SCTR: variants seen among roughly 807,000 people sequenced by gnomAD.
SCTR encodes pancreatic secretin receptor.
SCTR carries 56 observed loss-of-function variants against 60.8 expected under a neutral mutation model. The observed-to-expected ratio is 0.92, with a 90% confidence interval of 0.74 to 1.15. The LOEUF (loss-of-function observed/expected upper bound fraction) is 1.15, where lower values mean the gene tolerates loss of function less well. Ranked by LOEUF, SCTR falls within the 50% of genes most tolerant of loss-of-function variation. The pLI, the probability that SCTR is intolerant of heterozygous loss-of-function variation, is 0.00. For missense variants in SCTR, 562 were observed against 550.4 expected (o/e 1.02, Z -0.21); for synonymous variants, 202 against 217.0 (o/e 0.93, Z 0.61).
intron 6 of SCTR, among the ~76,000 whole-genome samples, chr2:119,462,544 G>A (rs975667800): frequency 6.6e-6 from 1 of 152,268 alleles, no homozygotes; most frequent in East Asian, 1.9e-4. Flanking sequence ...ATGTCATGGA[G>A]TTGGACTTCC....
intron 1 of SCTR, among the ~76,000 whole-genome samples, chr2:119,498,083 A>G (rs988423717): frequency 5.3e-5 from 8 of 152,188 alleles, no homozygotes; most frequent in Non-Finnish European, 1.2e-4. Flanking sequence ...ACCAAGGCAC[A>G]TTATTTTTGA....
At chr2:119,488,183 A>G (rs1677961229) in intron 2 of SCTR, among the ~76,000 whole-genome samples, 2 of 152,174 alleles carry the variant, frequency 1.3e-5, no homozygotes, top group South Asian at 4.1e-4. Context: ...CTAAATGCAC[A>G]CTGCAGAAGG....
chr2:119,503,446 G>A (rs1001512637), intron 1 of SCTR, among the ~76,000 whole-genome samples: 1 of 152,004 alleles, frequency 6.6e-6, no homozygotes, highest in South Asian at 2.1e-4. Flanking sequence ...GGCGTGCATA[G>A]GATTGCTTGA....
At chr2:119,467,641 A>G (rs1467435010) in intron 4 of SCTR, among the ~76,000 whole-genome samples, 3 of 152,204 alleles carry the variant, frequency 2.0e-5, no homozygotes, top group Admixed American at 6.5e-5. Context: ...CTAAGAAATA[A>G]TCAGAAATTT....
intron 1 of SCTR, 139 bp downstream of exon 1, chr2:119,524,016 A>G (rs1679372656): frequency 1.5e-6 from 1 of 667,966 alleles, no homozygotes; most frequent in Non-Finnish European, 2.7e-6. Flanking sequence ...TAATGTTGGG[A>G]GGATTGGGAG....
In SCTR at chr2:119,523,959, T is replaced by C. The variant is rs192193635; in HGVS notation, c.72+196A>G. 2.2e-3 allele frequency among the ~76,000 whole-genome samples: 339 copies of C among 152,198 alleles called. 2 individuals are homozygous for C. Among genetic ancestry groups the C allele is most frequent in the African/African-American group, 7.6e-3 (316 of 41,540 alleles). Reference sequence around the variant, plus strand: ...AGCCGCCTTCGTCTGGCGCGCACGATGTTTTTCTTTGGGAAAGGGTCCCTC... The same window carrying C: ...AGCCGCCTTCGTCTGGCGCGCACGACGTTTTTCTTTGGGAAAGGGTCCCTC... On this transcript the variant is annotated intron_variant, in intron 1 of 12. Transcript: ENST00000019103.
At chr2:119,449,252 C>G (rs922792170) in intron 9 of SCTR, among the ~76,000 whole-genome samples, 3 of 152,256 alleles carry the variant, frequency 2.0e-5, no homozygotes, top group Admixed American at 6.5e-5. Context: ...GCGTGGGGCC[C>G]AAGAATTATT....
At chr2:119,508,866 A>G (rs971935810) in intron 1 of SCTR, among the ~76,000 whole-genome samples, 2 of 152,242 alleles carry the variant, frequency 1.3e-5, no homozygotes, top group African/African-American at 4.8e-5. Context: ...ATTTTCAAAA[A>G]CACAATACAT....
chr2:119,445,785 T>C (rs1682903531), intron 11 of SCTR, among the ~76,000 whole-genome samples: 1 of 152,244 alleles, frequency 6.6e-6, no homozygotes, highest in Admixed American at 6.5e-5. Flanking sequence ...AATTGTTTTG[T>C]CTTTGCTTTG....
intron 2 of SCTR, 162 bp from the exon 3 acceptor site, chr2:119,479,080 T>C: frequency 1.4e-6 from 2 of 1,453,626 alleles, no homozygotes; most frequent in East Asian, 2.5e-5. Context: ...ACCTATCCTG[T>C]CTAATGCACC....
At chr2:119,513,926 G>C (rs1295526531) in intron 1 of SCTR, among the ~76,000 whole-genome samples, 1 of 152,108 alleles carries the variant, frequency 6.6e-6, no homozygotes, top group Non-Finnish European at 1.5e-5. Flanking sequence ...ATTTTACATT[G>C]AGTTTTGGTT....
intron 1 of SCTR, among the ~76,000 whole-genome samples, chr2:119,513,036 G>A (rs1012406550): frequency 6.6e-6 from 1 of 152,192 alleles, no homozygotes; most frequent in African/African-American, 2.4e-5. Flanking sequence ...GACCTAAACA[G>A]CTTCTTGCCT....
In SCTR at chr2:119,520,731, A is replaced by C. The variant is rs1679262355; in HGVS notation, c.72+3424T>G. Among the ~76,000 whole-genome samples, 6 of 152,290 alleles carry C rather than the reference A, an allele frequency of 3.9e-5. 1 individual carries two copies. In the South Asian group the frequency reaches 1.2e-3, roughly 32 times the overall value. ...GGAGGGTGGAATAGATCAAGGAAAC[A>C]TTCTCCACAGAAGTCCTTTGTCCAG... On this transcript the variant is annotated intron_variant, in intron 1 of 12. Transcript: ENST00000019103.
chr2:119,452,046 C>T lies in SCTR; in HGVS notation c.885G>A (p.Trp295Ter). The T allele has an allele frequency of 6.2e-7, 1 of 1,609,392 alleles. No individual in the cohort carries two copies. Among genetic ancestry groups the T allele is most frequent in the Non-Finnish European group, 8.5e-7 (1 of 1,177,278 alleles). The change falls in exon 9 of 13, where the codon TGG (tryptophan) becomes TGA (stop). Residue 295 changes from tryptophan to a stop codon, truncating the protein, a stop_gained. Transcript: ENST00000019103. LOFTEE classifies it high-confidence loss of function. Reference sequence around the variant, plus strand: ...GGATCACAGGACCACGAATGATCCACCAGATGGATGCGTTGGCATTGATGT... The same window carrying T: ...GGATCACAGGACCACGAATGATCCATCAGATGGATGCGTTGGCATTGATGT... ...CWDINANASI[W>*]WIIRGPVILS...
At position 119,470,424 on chromosome 2, in the gene SCTR, C is replaced by T. The variant is rs190041902; in HGVS notation, c.405+3029G>A. Among the ~76,000 whole-genome samples, 509 of 151,986 alleles carry T rather than the reference C, an allele frequency of 3.3e-3. 8 individuals are homozygous for T. The highest frequency in any genetic ancestry group is 2.5e-3 in the Non-Finnish European group (173 of 68,002). On this transcript the variant is annotated intron_variant, in intron 4 of 12. Transcript: ENST00000019103. Reference sequence around the variant, plus strand: ...AATTTGTGGACTGGCATTTAGGGACCGGTGAATCACGTGGTCAGGAAACCC... The same window carrying T: ...AATTTGTGGACTGGCATTTAGGGACTGGTGAATCACGTGGTCAGGAAACCC...
intron 3 of SCTR, among the ~76,000 whole-genome samples, chr2:119,473,856 A>C (rs2587703): frequency 0.88 from 133,937 of 152,178 alleles, 59,119 homozygotes; most frequent in African/African-American, 0.95. Context: ...ACAGGTGGGT[A>C]CCCCGGAGAA....
chr2:119,513,173 C>T (rs1235423402), intron 1 of SCTR, among the ~76,000 whole-genome samples: 1 of 152,222 alleles, frequency 6.6e-6, no homozygotes, highest in Non-Finnish European at 1.5e-5. Flanking sequence ...TCTCCTCTGC[C>T]TGCTACAGGC....
At chr2:119,517,275 T>A (rs1679145117) in intron 1 of SCTR, among the ~76,000 whole-genome samples, 1 of 151,876 alleles carries the variant, frequency 6.6e-6, no homozygotes, top group Admixed American at 6.6e-5. Flanking sequence ...TCCTCCCGCC[T>A]CAACCTCCTG....
chr2:119,514,599 G>C (rs1268776660), intron 1 of SCTR, among the ~76,000 whole-genome samples: 1 of 152,136 alleles, frequency 6.6e-6, no homozygotes, highest in Non-Finnish European at 1.5e-5. Context: ...ATAAAGGCTG[G>C]GTGCAGTGGC....
Sources: gnomAD v4.1 joint callset for allele counts (sites outside exome capture counted in the v4.1 genomes callset) on GRCh38, gnomAD v4.1.1 for gene constraint, MANE v1.5 for transcripts, NCBI Gene and HGNC (gene_info 2026-07-23, HGNC 2026-07-21) for gene names.